ALKBH5: variants seen among roughly 807,000 people sequenced by gnomAD.
ALKBH5 encodes alkB homolog 5, RNA demethylase, also known as RNA demethylase ALKBH5.
Under a neutral mutation model 32.1 loss-of-function variants are expected in ALKBH5, and 2 were observed. The observed-to-expected ratio is 0.06, with a 90% CI of 0.03 to 0.20. The LOEUF (loss-of-function observed/expected upper bound fraction) is 0.20. Among genes scored for constraint, ALKBH5 ranks in the 10% least tolerant of loss-of-function variants. The pLI, the probability that ALKBH5 is intolerant of heterozygous loss-of-function variation, is 1.00. For missense variants in ALKBH5, 352 were observed against 559.5 expected (o/e 0.63, Z 3.74); for synonymous variants, 300 against 231.7 (o/e 1.29, Z -2.68).
chr17:18,194,285 C>T (rs1410542267), intron 1 of ALKBH5, among the ~76,000 whole-genome samples: 1 of 152,064 alleles, frequency 6.6e-6, no homozygotes, highest in African/African-American at 2.4e-5. Context: ...TCCCAAGTAG[C>T]TGGGATTACA....
chr17:18,191,954 A>G (rs868566914), intron 1 of ALKBH5, among the ~76,000 whole-genome samples: 1 of 151,990 alleles, frequency 6.6e-6, no homozygotes, highest in African/African-American at 2.4e-5. Flanking sequence ...GTCTTTAAAA[A>G]AAAAAAAAAG....
chr17:18,204,047 C>G (rs1297155007), intron 2 of ALKBH5, among the ~76,000 whole-genome samples: 1 of 152,204 alleles, frequency 6.6e-6, no homozygotes, highest in Non-Finnish European at 1.5e-5. Flanking sequence ...GAGGGACTTT[C>G]TTCAATGAGG....
chr17:18,197,991 C>T (rs2047213874), intron 2 of ALKBH5, among the ~76,000 whole-genome samples: 1 of 152,148 alleles, frequency 6.6e-6, no homozygotes, highest in Non-Finnish European at 1.5e-5. Context: ...TGCCTGGGCT[C>T]TTGTGGCAAT....
intron 1 of ALKBH5, among the ~76,000 whole-genome samples, chr17:18,192,540 T>C (rs554718274): frequency 1.3e-5 from 2 of 152,350 alleles, no homozygotes; most frequent in African/African-American, 4.8e-5. Flanking sequence ...GTTCTCCTTA[T>C]TACAGATGAA....
At chr17:18,188,587 G>A (rs1048021780) in intron 1 of ALKBH5, among the ~76,000 whole-genome samples, 1 of 152,242 alleles carries the variant, frequency 6.6e-6, no homozygotes, top group Non-Finnish European at 1.5e-5. Context: ...TTCCACTGGA[G>A]GGGGAGGAAC....
At chr17:18,205,598 T>G (rs1226311269) in intron 2 of ALKBH5, among the ~76,000 whole-genome samples, 3 of 152,208 alleles carry the variant, frequency 2.0e-5, no homozygotes, top group South Asian at 2.1e-4. Flanking sequence ...GGCTTTAAAC[T>G]TTCCCCCGTG....
At chr17:18,207,296 A>G (rs1367443801) in intron 3 of ALKBH5, among the ~76,000 whole-genome samples, 2 of 152,222 alleles carry the variant, frequency 1.3e-5, no homozygotes, top group Non-Finnish European at 2.9e-5. Context: ...GGACTTGGAT[A>G]ATAGTGAACC....
At chr17:18,187,467 T>C (rs996022551) in intron 1 of ALKBH5, among the ~76,000 whole-genome samples, 6 of 152,160 alleles carry the variant, frequency 3.9e-5, no homozygotes, top group Non-Finnish European at 4.4e-5. Context: ...TGTTCGTGCA[T>C]TGTAGACTGT....
chr17:18,206,931 A>T lies in ALKBH5; in HGVS notation c.968A>T (p.Lys323Met), dbSNP rs772033885. The T allele has an allele frequency of 3.1e-6, 5 of 1,614,126 alleles. No individual in the cohort carries two copies. The East Asian group carries it at 1.1e-4, about 36-fold the overall frequency. The change falls in exon 3 of 4, where the codon AAG (lysine) becomes ATG (methionine). Residue 323 changes from lysine (K) to methionine (M), a missense_variant. Lys to Met is a moderately conservative substitution (Grantham distance 95). This residue lies in a region of ALKBH5 where 124 missense variants were observed against 142.4 expected (regional missense o/e 0.87). Transcript: ENST00000399138. ...AACAGGGACCCTGCTCTGAAACCCA[A>T]GCGGTCCCACCGCAAGGCAGACCCT... ...GNNRDPALKP[K>M]RSHRKADPDA...
At chr17:18,201,991 G>A (rs2047244223) in intron 2 of ALKBH5, among the ~76,000 whole-genome samples, 1 of 152,072 alleles carries the variant, frequency 6.6e-6, no homozygotes, top group Admixed American at 6.6e-5. Context: ...CTCCAGGCTG[G>A]GTGATAGACC....
chr17:18,204,178 G>A (rs773302333), intron 2 of ALKBH5, among the ~76,000 whole-genome samples: 7 of 152,242 alleles, frequency 4.6e-5, no homozygotes, highest in Non-Finnish European at 1.0e-4. Flanking sequence ...TGGGCCAGGC[G>A]TGGTGGCTCA....
chr17:18,203,083 A>G (rs890714195), intron 2 of ALKBH5, among the ~76,000 whole-genome samples: 3 of 151,870 alleles, frequency 2.0e-5, no homozygotes, highest in African/African-American at 4.8e-5. Flanking sequence ...AAAAAAAAAA[A>G]AAAAAAAAGA....
intron 2 of ALKBH5, among the ~76,000 whole-genome samples, chr17:18,205,087 A>C (rs554195453): frequency 1.1e-4 from 17 of 152,256 alleles, no homozygotes; most frequent in African/African-American, 4.1e-4. Flanking sequence ...TCTATTTCAC[A>C]TACTCATCTC....
chr17:18,205,743 C>A (rs2047265843), intron 2 of ALKBH5, among the ~76,000 whole-genome samples: 1 of 152,172 alleles, frequency 6.6e-6, no homozygotes, highest in South Asian at 2.1e-4. Flanking sequence ...ACCAAGGATG[C>A]CAAGCAGCCT....
In ALKBH5 at chr17:18,208,896, C is replaced by T. The variant is rs1453691163; in HGVS notation, c.*500C>T. On this transcript the variant is annotated 3_prime_UTR_variant, in exon 4 of 4. Coordinates refer to ENST00000399138, the MANE Select transcript of ALKBH5 (RefSeq NM_017758.4). ...GGCTCTGCTGTTCTCCACTTCTCAC[C>T]TGCCATCCACGCCCTGCAAGCTCAT... 8.4e-6 allele frequency: 2 copies of T among 238,164 alleles called. No homozygotes were observed. Among genetic ancestry groups the T allele is most frequent in the Non-Finnish European group, 1.7e-5 (2 of 119,998 alleles). 14.8% of individuals were successfully genotyped at this position (238,164 alleles called of 1,614,324 possible). A position where few individuals can be genotyped will look rare whatever the true frequency, so the allele number is the denominator to read the frequency against.
chr17:18,192,532 TCTC>T (rs1459025019), intron 1 of ALKBH5, among the ~76,000 whole-genome samples: 2 of 152,202 alleles, frequency 1.3e-5, no homozygotes, highest in African/African-American at 2.4e-5. Flanking sequence ...AACCTACTGT[TCTC>T]CTTATTACAG....
chr17:18,183,948 C>A lies in ALKBH5; in HGVS notation c.-296C>A, dbSNP rs1000407307. Reference sequence around the variant, plus strand: ...GAGGGTCTGGTCGGGAGTCGGGCCGCGTCTCCGCAGCAGCCCTCCGCGGCA... The same window carrying A: ...GAGGGTCTGGTCGGGAGTCGGGCCGAGTCTCCGCAGCAGCCCTCCGCGGCA... On this transcript the variant is annotated 5_prime_UTR_variant, in exon 1 of 4. Transcript: ENST00000399138. The A allele has an allele frequency of 1.7e-6, 1 of 596,292 alleles. No homozygotes were observed. Among genetic ancestry groups the A allele is most frequent in the Non-Finnish European group, 3.1e-6 (1 of 321,432 alleles). The allele number at this position is 596,292 out of a possible 1,614,324, so 36.9% of individuals were successfully genotyped here. A position where few individuals can be genotyped will look rare whatever the true frequency, so the allele number is the denominator to read the frequency against.
rs1453092188 is a variant in ALKBH5, at chr17:18,209,273, G to C, written c.*877G>C. On this transcript the variant is annotated 3_prime_UTR_variant, in exon 4 of 4. Coordinates refer to ENST00000399138, the MANE Select transcript of ALKBH5 (RefSeq NM_017758.4). The stretch of plus-strand genomic sequence containing the variant: ...AGCATTTGGGGTATGGAAAATTGTT[G>C]TGGTGTGTGGTAGGGTTTTTGTTTT... The C allele has an allele frequency of 6.5e-6, 1 of 152,688 alleles. No homozygotes were observed. Among genetic ancestry groups the C allele is most frequent in the African/African-American group, 2.4e-5 (1 of 41,460 alleles). 9.5% of individuals were successfully genotyped at this position (152,688 alleles called of 1,614,324 possible). A position where few individuals can be genotyped will look rare whatever the true frequency, so the allele number is the denominator to read the frequency against.
At chr17:18,186,586 C>G (rs1305326276) in intron 1 of ALKBH5, among the ~76,000 whole-genome samples, 1 of 152,174 alleles carries the variant, frequency 6.6e-6, no homozygotes, top group African/African-American at 2.4e-5. Context: ...TACTACTCTC[C>G]TTAACACATG....
Sources: allele counts gnomAD v4.1 joint callset (sites outside exome capture counted in the v4.1 genomes callset), GRCh38; gene constraint gnomAD v4.1.1; regional missense constraint gnomAD v4.1.1; transcripts MANE v1.5; gene names NCBI Gene and HGNC (gene_info 2026-07-23, HGNC 2026-07-21).